The following GLRX3 variants were observed in gnomAD, a reference collection of about 807,000 sequenced individuals.
The protein encoded by GLRX3 is glutaredoxin 3, also known as glutaredoxin-3.
A neutral mutation model predicts 49.5 loss-of-function variants in GLRX3; 22 were observed. The ratio of observed to expected loss-of-function variants is 0.44; its 90% CI spans 0.32 to 0.63. The LOEUF (loss-of-function observed/expected upper bound fraction) is 0.63. Ranked by LOEUF, GLRX3 falls within the 30% of genes least tolerant of loss-of-function variation. The pLI is 0.05. For synonymous variants in GLRX3, 133 were observed against 140.0 expected, an observed-to-expected ratio of 0.95 and a Z score of 0.35; for missense variants, 385 against 396.3, an observed-to-expected ratio of 0.97 and a Z score of 0.24.
Position 130,179,554 on chromosome 10 carries a change from A to T in GLRX3, c.*162A>T, listed in dbSNP as rs1590077823. 3.4e-6 allele frequency: 2 copies of T among 588,158 alleles called. No homozygotes were observed. Among genetic ancestry groups the T allele is most frequent in the East Asian group, 6.5e-5 (2 of 30,894 alleles). 36.4% of individuals were successfully genotyped at this position (588,158 alleles called of 1,614,324 possible). The stretch of plus-strand genomic sequence containing the variant: ...ATGTCGTGCTAAATAAATGTATGTT[A>T]CATTTTTTTCCCACCAAAAATAGAA... On this transcript the variant is annotated 3_prime_UTR_variant, in exon 11 of 11. Transcript: ENST00000331244.
Position 130,162,051 on chromosome 10 carries a change from G to A in GLRX3, c.478+1054G>A, listed in dbSNP as rs1165104912. Among the ~76,000 whole-genome samples, 3 of 152,286 alleles carry A rather than the reference G, an allele frequency of 2.0e-5. No homozygotes were observed. In the South Asian group the frequency reaches 6.2e-4, roughly 32 times the overall value. ...GAGTGCAATGGCACGATCTCAGTGC[G>A]ACGGAACCTCTGTCTACTAGGGGTC... On this transcript the variant is annotated intron_variant, in intron 4 of 10. Coordinates refer to ENST00000331244, the MANE Select transcript of GLRX3 (RefSeq NM_006541.5).
chr10:130,168,456 T>A (rs4400709), intron 6 of GLRX3, among the ~76,000 whole-genome samples: 33,224 of 152,144 alleles, frequency 0.22, 3,670 homozygotes, highest in Middle Eastern at 0.29. Context: ...TATTATTATT[T>A]TTTTTTGAGA....
Position 130,166,938 on chromosome 10 carries a change from A to G in GLRX3, c.671A>G (p.Glu224Gly). 6.3e-7 allele frequency: 1 copy of G among 1,595,578 alleles called. No homozygotes were observed. Residue 224 changes from glutamate to glycine, a missense_variant, in exon 6 of 11, where the codon GAA (glutamate) becomes GGA (glycine). Around this residue, in one of 2 missense-constraint regions of GLRX3, gnomAD observed 374 missense variants for 358.6 expected, o/e 1.04. Transcript: ENST00000331244. ...TTTTAGGAGCTAGAAGCATCTGAAG[A>G]ACTAGATACAATTTGTCCCAAAGCT... ...DIIKELEASE[E>G]LDTICPKAPK...
At chr10:130,165,948 G>A (rs939019651) in intron 4 of GLRX3, among the ~76,000 whole-genome samples, 1 of 152,236 alleles carries the variant, frequency 6.6e-6, no homozygotes, top group Non-Finnish European at 1.5e-5. Context: ...GCCTCATCAT[G>A]TGTCACCTTG....
At chr10:130,148,188 A>G (rs1195357915) in intron 2 of GLRX3, among the ~76,000 whole-genome samples, 1 of 152,066 alleles carries the variant, frequency 6.6e-6, no homozygotes, top group African/African-American at 2.4e-5. Context: ...CCCAGGCTGT[A>G]GTGCAGTGAT....
At chr10:130,176,510 A>G (rs1385744934) in intron 10 of GLRX3, among the ~76,000 whole-genome samples, 1 of 152,178 alleles carries the variant, frequency 6.6e-6, no homozygotes, top group Non-Finnish European at 1.5e-5. Context: ...TATGTTTTAT[A>G]AAAACAAAGC....
intron 2 of GLRX3, among the ~76,000 whole-genome samples, chr10:130,149,289 G>A (rs4751167): frequency 0.79 from 119,828 of 151,872 alleles, 47,684 homozygotes; most frequent in African/African-American, 0.87. Context: ...TAAAAATACA[G>A]AATTTAGCCA....
At chr10:130,175,869 T>C (rs1862907227) in intron 10 of GLRX3, among the ~76,000 whole-genome samples, 1 of 152,124 alleles carries the variant, frequency 6.6e-6, no homozygotes, top group African/African-American at 2.4e-5. Flanking sequence ...GTGGGCATGG[T>C]GGCATCGAGG....
At chr10:130,159,256 A>T (rs1862532014) in intron 2 of GLRX3, among the ~76,000 whole-genome samples, 1 of 152,200 alleles carries the variant, frequency 6.6e-6, no homozygotes, top group Non-Finnish European at 1.5e-5. Context: ...GACCTACGTA[A>T]ATAGCTTACA....
chr10:130,180,074 C>T (rs2134937837), downstream of GLRX3: 1 of 149,122 alleles, frequency 6.7e-6, no homozygotes, highest in Admixed American at 6.8e-5. Context: ...AAAGTATTGT[C>T]ATTTGTTGTA....
At chr10:130,142,496 C>T (rs557931019) in intron 1 of GLRX3, among the ~76,000 whole-genome samples, 13 of 152,304 alleles carry the variant, frequency 8.5e-5, no homozygotes, top group African/African-American at 2.9e-4. Context: ...CTTGTGTCTA[C>T]GGCCCTTCCC....
At chr10:130,153,745 A>G (rs987686342) in intron 2 of GLRX3, among the ~76,000 whole-genome samples, 44 of 151,918 alleles carry the variant, frequency 2.9e-4, no homozygotes, top group African/African-American at 1.0e-3. Flanking sequence ...CAGTGAGGCT[A>G]TACGGGGGTC....
At chr10:130,166,460 T>A in intron 4 of GLRX3, 47 bp from the exon 5 acceptor site, 3 of 1,417,362 alleles carry the variant, frequency 2.1e-6, no homozygotes, top group Non-Finnish European at 3.0e-6. Context: ...TGTGTATGTG[T>A]TTTGGGAGAG....
At chr10:130,147,065 G>A (rs1198253410) in intron 2 of GLRX3, among the ~76,000 whole-genome samples, 1 of 152,158 alleles carries the variant, frequency 6.6e-6, no homozygotes, top group African/African-American at 2.4e-5. Context: ...GTTTCTTTAT[G>A]CAAATAGGGC....
chr10:130,174,168 A>G (rs1426637656), intron 8 of GLRX3, among the ~76,000 whole-genome samples: 1 of 152,364 alleles, frequency 6.6e-6, no homozygotes, highest in Admixed American at 6.5e-5. Flanking sequence ...TTTGTACATT[A>G]AAAACAGCAC....
intron 2 of GLRX3, among the ~76,000 whole-genome samples, chr10:130,154,809 TTAA>T (rs1272738594): frequency 6.6e-6 from 1 of 152,098 alleles, no homozygotes; most frequent in African/African-American, 2.4e-5. Context: ...ATACAGAACA[TTAA>T]GGGTCACAGA....
chr10:130,144,288 T>C (rs1189625920), intron 1 of GLRX3, among the ~76,000 whole-genome samples: 1 of 117,448 alleles, frequency 8.5e-6, no homozygotes, highest in Non-Finnish European at 1.9e-5. Context: ...TTGCCTGGCT[T>C]TTTTTTTTTT....
At chr10:130,148,460 T>TTA (rs1491404379) in intron 2 of GLRX3, among the ~76,000 whole-genome samples, 7 of 103,522 alleles carry the variant, frequency 6.8e-5, no homozygotes, top group African/African-American at 1.3e-4. Flanking sequence ...TTTTTTTTTT[T>TTA]AATGATGAAA....
intron 2 of GLRX3, among the ~76,000 whole-genome samples, chr10:130,149,418 C>T (rs1326185262): frequency 4.0e-5 from 6 of 148,700 alleles, no homozygotes; most frequent in East Asian, 2.0e-4. Flanking sequence ...CTCCGGCCTG[C>T]GTGACAGAGC....
Sources: allele counts gnomAD v4.1 joint callset (sites outside exome capture counted in the v4.1 genomes callset), GRCh38; gene constraint gnomAD v4.1.1; regional missense constraint gnomAD v4.1.1; transcripts MANE v1.5; gene names NCBI Gene and HGNC (gene_info 2026-07-23, HGNC 2026-07-21).